HECW1: variants seen among roughly 807,000 people sequenced by gnomAD.
The protein encoded by HECW1 is E3 ubiquitin-protein ligase HECW1.
HECW1 carries 61 observed loss-of-function variants against 182.3 expected under a neutral mutation model. The ratio of observed to expected loss-of-function variants is 0.33; its 90% CI spans 0.27 to 0.41. The LOEUF is 0.41. HECW1 is among the 10% of genes least tolerant of loss of function. The pLI is 1.00. For missense variants in HECW1, 1,739 were observed against 2,108.9 expected (o/e 0.82, Z 3.44); for synonymous variants, 859 against 832.6 (o/e 1.03, Z -0.55).
intron 8 of HECW1, among the ~76,000 whole-genome samples, chr7:43,411,620 C>T (rs946756210): frequency 3.9e-5 from 6 of 152,108 alleles, no homozygotes; most frequent in Admixed American, 3.9e-4. Context: ...GTCTGTTTCT[C>T]TAATTCTGTC....
chr7:43,159,978 T>A (rs1284614213), intron 2 of HECW1, among the ~76,000 whole-genome samples: 1 of 152,218 alleles, frequency 6.6e-6, no homozygotes, highest in Non-Finnish European at 1.5e-5. Context: ...CGCGCCCAGC[T>A]GTATCTTTAC....
At chr7:43,403,373 A>G (rs577937758) in intron 7 of HECW1, among the ~76,000 whole-genome samples, 95 of 152,292 alleles carry the variant, frequency 6.2e-4, no homozygotes, top group African/African-American at 2.2e-3. Flanking sequence ...TGGGAAGGCT[A>G]TGGTATGGTA....
chr7:43,479,307 A>G (rs2152906711), intron 16 of HECW1, among the ~76,000 whole-genome samples: 1 of 152,270 alleles, frequency 6.6e-6, no homozygotes, highest in South Asian at 2.1e-4. Flanking sequence ...GATCCCACAC[A>G]TGCACGGTTC....
At position 43,413,031 on chromosome 7, in the gene HECW1, T is replaced by C. The variant is rs1402127828; in HGVS notation, c.801+5300T>C. 5.4e-5 allele frequency among the ~76,000 whole-genome samples: 8 copies of C among 148,656 alleles called. No homozygotes were observed. In the East Asian group the frequency reaches 1.7e-3, roughly 31 times the overall value. On this transcript the variant is annotated intron_variant, in intron 8 of 29. Coordinates refer to ENST00000395891, the MANE Select transcript of HECW1 (RefSeq NM_015052.5). ...CTAGATCCCTGAGGAATCGCCACAC[T>C]GACTTCCACAATGGTTGAACCAGTT...
At chr7:43,266,096 C>T (rs1054744159) in intron 3 of HECW1, among the ~76,000 whole-genome samples, 1 of 152,046 alleles carries the variant, frequency 6.6e-6, no homozygotes, top group Admixed American at 6.5e-5. Context: ...AAATCACTGG[C>T]CATTGATTGT....
At chr7:43,547,540 T>C (rs1489046040) in intron 26 of HECW1, among the ~76,000 whole-genome samples, 1 of 146,900 alleles carries the variant, frequency 6.8e-6, no homozygotes, top group Non-Finnish European at 1.5e-5. Context: ...AGTGAGACTC[T>C]GGCTCAAAGA....
At chr7:43,429,687 C>T (rs2076482094) in intron 8 of HECW1, among the ~76,000 whole-genome samples, 1 of 152,210 alleles carries the variant, frequency 6.6e-6, no homozygotes, top group South Asian at 2.1e-4. Context: ...CTATAGTTCA[C>T]ATGCTCCATT....
chr7:43,119,750 C>A (rs1052895309), intron 2 of HECW1, among the ~76,000 whole-genome samples: 1 of 152,144 alleles, frequency 6.6e-6, no homozygotes, highest in Non-Finnish European at 1.5e-5. Flanking sequence ...ACAACTCTGT[C>A]CTTTCAGTTG....
chr7:43,300,083 A>G (rs2152762195), intron 3 of HECW1, among the ~76,000 whole-genome samples: 1 of 152,316 alleles, frequency 6.6e-6, no homozygotes, highest in Middle Eastern at 3.4e-3. Flanking sequence ...TCTTTCTTCT[A>G]TCAATGTTGA....
At chr7:43,256,565 C>A (rs1416376717) in intron 3 of HECW1, among the ~76,000 whole-genome samples, 1 of 148,488 alleles carries the variant, frequency 6.7e-6, no homozygotes, top group African/African-American at 2.5e-5. Context: ...GCCAAGATTG[C>A]GCCACTGCAC....
Position 43,444,095 on chromosome 7 carries a change from CA to C in HECW1, c.1046-121del. 11 of 997,434 alleles carry C rather than the reference CA, an allele frequency of 1.1e-5. No homozygotes were observed. Among genetic ancestry groups the C allele is most frequent in the Non-Finnish European group, 1.4e-5 (10 of 693,418 alleles). The allele number at this position is 997,434 out of a possible 1,614,324, so 61.8% of individuals were successfully genotyped here. On this transcript the variant is annotated intron_variant, in intron 10 of 29. Coordinates refer to ENST00000395891, the MANE Select transcript of HECW1 (RefSeq NM_015052.5). This position sits in a 1 kb window ranked among gnomAD's most constrained non-coding sequence, Gnocchi z 4.3. Reference sequence around the variant, plus strand: ...GCTCTGGCCAGTGAGAAACCCTCATCAACCTACATTCAATATCCTAATGTAG... The same window carrying C: ...GCTCTGGCCAGTGAGAAACCCTCATCACCTACATTCAATATCCTAATGTAG...
At chr7:43,559,609 G>A (rs897291262) in intron 29 of HECW1, among the ~76,000 whole-genome samples, 3 of 152,130 alleles carry the variant, frequency 2.0e-5, no homozygotes, top group African/African-American at 4.8e-5. Context: ...AAGATTAATT[G>A]ACTTTTCCAG....
At chr7:43,362,574 C>T (rs1186613573) in intron 6 of HECW1, among the ~76,000 whole-genome samples, 2 of 152,210 alleles carry the variant, frequency 1.3e-5, no homozygotes, top group Non-Finnish European at 2.9e-5. Context: ...GTTTGGGCAT[C>T]CCTCAAAAGA....
chr7:43,214,259 A>T (rs1796256636), intron 2 of HECW1, among the ~76,000 whole-genome samples: 1 of 152,090 alleles, frequency 6.6e-6, no homozygotes, highest in African/African-American at 2.4e-5. Flanking sequence ...AGAGAAAATA[A>T]AGCAAATAAA....
intron 14 of HECW1, among the ~76,000 whole-genome samples, chr7:43,464,042 G>A (rs2077675339): frequency 6.6e-6 from 1 of 152,232 alleles, no homozygotes; most frequent in Non-Finnish European, 1.5e-5. Context: ...CTGGCATGGG[G>A]ATCTGGAGAC....
At chr7:43,420,675 A>G (rs1269499880) in intron 8 of HECW1, among the ~76,000 whole-genome samples, 2 of 152,256 alleles carry the variant, frequency 1.3e-5, no homozygotes, top group African/African-American at 2.4e-5. Context: ...ATATGCAAAT[A>G]GAAAATAAAA....
chr7:43,499,734 A>G (rs372580826), intron 19 of HECW1, among the ~76,000 whole-genome samples: 14 of 152,348 alleles, frequency 9.2e-5, no homozygotes, highest in African/African-American at 3.1e-4. Flanking sequence ...TGAAGCATGC[A>G]TACGATAGAA....
intron 24 of HECW1, among the ~76,000 whole-genome samples, chr7:43,531,048 AT>A (rs768390896): frequency 7.2e-5 from 11 of 152,262 alleles, no homozygotes; most frequent in Non-Finnish European, 1.5e-4. Context: ...CTTATCTCAC[AT>A]CTTGTCCTTC....
rs567800685 is a variant in HECW1 at position 43,435,005 on chromosome 7, A to T, written c.802-2998A>T. Among the ~76,000 whole-genome samples, 18 of 152,232 alleles carry T rather than the reference A, an allele frequency of 1.2e-4. No homozygotes were observed. The East Asian group carries it at 3.5e-3, about 29-fold the overall frequency. Reference sequence around the variant, plus strand: ...AAACAACTGTTATAAAATCTGTTGTAATTTTTTCCAGTCTTTTTCTATTCA... The same window carrying T: ...AAACAACTGTTATAAAATCTGTTGTTATTTTTTCCAGTCTTTTTCTATTCA... On this transcript the variant is annotated intron_variant, in intron 8 of 29. Transcript: ENST00000395891.
Sources: gnomAD v4.1 joint callset for allele counts (sites outside exome capture counted in the v4.1 genomes callset) on GRCh38, gnomAD v4.1.1 for gene constraint, Gnocchi (gnomAD v3.1) non-coding constraint, MANE v1.5 for transcripts, NCBI Gene and HGNC (gene_info 2026-07-23, HGNC 2026-07-21) for gene names.